CSRP2: variants seen among roughly 807,000 people sequenced by gnomAD.
CSRP2 encodes the protein cysteine and glycine-rich protein 2.
CSRP2 carries 18 observed loss-of-function variants against 24.6 expected under a neutral mutation model. The observed-to-expected ratio is 0.73, with a 90% CI of 0.51 to 1.09. The LOEUF is 1.09. CSRP2 is among the 50% of genes least tolerant of loss of function. CSRP2 has a pLI of 0.00. For missense variants in CSRP2, 215 were observed against 239.4 expected (o/e 0.90, Z 0.67); for synonymous variants, 87 against 84.3 (o/e 1.03, Z -0.18).
At chr12:76,867,482 C>G (rs1452199569) in intron 1 of CSRP2, among the ~76,000 whole-genome samples, 1 of 152,132 alleles carries the variant, frequency 6.6e-6, no homozygotes. Context: ...GCACTCCAGC[C>G]TGGGCGACAG....
chr12:76,864,961 A>G (rs1953720252), intron 2 of CSRP2: 1 of 152,262 alleles, frequency 6.6e-6, no homozygotes, highest in African/African-American at 2.4e-5. Flanking sequence ...AAGTGTAGGT[A>G]TATGAAAGTG....
chr12:76,860,505 C>T, intron 3 of CSRP2, 92 bp from the exon 4 acceptor site: 3 of 1,438,148 alleles, frequency 2.1e-6, no homozygotes, highest in South Asian at 2.6e-5. Flanking sequence ...TGGGACTTAA[C>T]CGCTACACTG....
At chr12:76,869,080 G>T (rs1000883014) in intron 1 of CSRP2, among the ~76,000 whole-genome samples, 1 of 152,044 alleles carries the variant, frequency 6.6e-6, no homozygotes. Context: ...ATATTTGAAG[G>T]CTGGGAAGTC....
At position 76,860,297 on chromosome 12, in the gene CSRP2, A is replaced by G. The variant is rs180731353; in HGVS notation, c.398T>C (p.Ile133Thr). Residue 133 changes from isoleucine to threonine, a missense_variant, in exon 4 of 6, where the codon ATT (isoleucine) becomes ACT (threonine). By Grantham distance (89) the Ile-to-Thr change is moderately conservative. Transcript: ENST00000311083. Reference sequence around the variant, plus strand: ...ATAGCACTTTACCTTTCCAGCTCCAATTATCTTCTCGGCAGCATATACAGA... The same window carrying G: ...ATAGCACTTTACCTTTCCAGCTCCAGTTATCTTCTCGGCAGCATATACAGA... ...GDSVYAAEKIIGAGKPWHKNC... is the reference protein window; with the variant it reads ...GDSVYAAEKITGAGKPWHKNC... 1.9e-6 allele frequency: 3 copies of G among 1,613,914 alleles called. No homozygotes were observed. The highest frequency in any genetic ancestry group is 1.3e-5 in the African/African-American group (1 of 75,052).
At chr12:76,859,450 ACTTTT>A (rs200513575) in intron 5 of CSRP2, 92 bp downstream of exon 5, 21,628 of 776,602 alleles carry the variant, frequency 0.028, 134 homozygotes, top group Middle Eastern at 0.066. Flanking sequence ...ATAGTGGCAT[ACTTTT>A]CTTTTTTTTT....
chr12:76,872,862 G>T (rs532550490), intron 1 of CSRP2, among the ~76,000 whole-genome samples: 9 of 152,022 alleles, frequency 5.9e-5, no homozygotes, highest in Non-Finnish European at 1.2e-4. Flanking sequence ...ACCACTCCAC[G>T]TGTGTCCGTG....
chr12:76,871,850 A>G (rs188818729), intron 1 of CSRP2, among the ~76,000 whole-genome samples: 1 of 151,926 alleles, frequency 6.6e-6, no homozygotes, highest in African/African-American at 2.4e-5. Flanking sequence ...ATTTGGCTGG[A>G]AGAAGTATGA....
At chr12:76,872,213 A>AG (rs1481895814) in intron 1 of CSRP2, among the ~76,000 whole-genome samples, 4 of 152,224 alleles carry the variant, frequency 2.6e-5, no homozygotes, top group African/African-American at 4.8e-5. Context: ...ACCTATGTGC[A>AG]ATTTCTCCTT....
At chr12:76,863,940 A>G (rs1293756053) in intron 2 of CSRP2, 1 of 152,222 alleles carries the variant, frequency 6.6e-6, no homozygotes, top group African/African-American at 2.4e-5. Context: ...TCTAGTTTTC[A>G]TCACTAGTCT....
chr12:76,864,787 C>T (rs978260009), intron 2 of CSRP2: 3 of 152,138 alleles, frequency 2.0e-5, no homozygotes, highest in African/African-American at 7.2e-5. Context: ...GGCATCTACT[C>T]TGGAATCTAA....
At chr12:76,866,045 C>A in intron 2 of CSRP2, 104 bp downstream of exon 2, 1 of 810,560 alleles carries the variant, frequency 1.2e-6, no homozygotes, top group South Asian at 1.7e-5. Context: ...TTCGTGCTTT[C>A]AAAATGATCT....
intron 4 of CSRP2, 121 bp downstream of exon 4, chr12:76,860,163 A>C: frequency 9.4e-7 from 1 of 1,061,942 alleles, no homozygotes; most frequent in South Asian, 2.2e-5. Context: ...CATTTAAAGA[A>C]AAGTTTCATA....
intron 1 of CSRP2, among the ~76,000 whole-genome samples, chr12:76,872,427 T>C (rs1953808819): frequency 6.6e-6 from 1 of 152,344 alleles, no homozygotes; most frequent in African/African-American, 2.4e-5. Context: ...AAAGCATCTC[T>C]GGAAAAGTTT....
In CSRP2 at chr12:76,876,922, C is replaced by A. The variant is rs1362040705; in HGVS notation, c.-2+2016G>T. ...AAGTATCAACAGGCCTTATGACAACCCTGCAAGGCATGTGCCACTACACCC... is the reference window on the plus strand; with the variant it reads ...AAGTATCAACAGGCCTTATGACAACACTGCAAGGCATGTGCCACTACACCC... On this transcript the variant is annotated intron_variant, in intron 1 of 5. Transcript: ENST00000311083. 2.0e-5 allele frequency among the ~76,000 whole-genome samples: 3 copies of A among 152,214 alleles called. No individual in the cohort carries two copies. The East Asian group carries it at 5.8e-4, about 29-fold the overall frequency.
At chr12:76,869,832 C>T (rs547477239) in intron 1 of CSRP2, among the ~76,000 whole-genome samples, 9 of 152,202 alleles carry the variant, frequency 5.9e-5, no homozygotes, top group Non-Finnish European at 1.2e-4. Flanking sequence ...CAGAGTGAAA[C>T]ATAAGCCTGG....
Position 76,863,235 on chromosome 12 carries a change from G to A in CSRP2, c.222C>T (p.Gly74=). 2 of 1,614,228 alleles carry A rather than the reference G, an allele frequency of 1.2e-6. No homozygotes were observed. Among genetic ancestry groups the A allele is most frequent in the East Asian group, 2.2e-5 (1 of 44,888 alleles). ...KKYGPKGYGY[G]QGAGTLNMDR... ...CCATGTTAAGCGTGCCAGCGCCCTG[G>A]CCATAACCGTAGCCTTTTGGCCCAT... is the stretch of plus-strand genomic sequence containing the variant. Residue 74 remains glycine, a synonymous_variant, in exon 3 of 6, where the codon GGC becomes GGT. Coordinates refer to ENST00000311083, the MANE Select transcript of CSRP2 (RefSeq NM_001321.3).
chr12:76,863,006 T>C (rs1171523130), intron 3 of CSRP2, 170 bp downstream of exon 3: 2 of 1,439,548 alleles, frequency 1.4e-6, no homozygotes, highest in Non-Finnish European at 1.8e-6. Context: ...ATAAGAACTT[T>C]GTTAGGTCCA....
In CSRP2 at chr12:76,859,001, T is replaced by C. The variant is rs1367626860; in HGVS notation, c.533A>G (p.Lys178Arg). The change falls in exon 6 of 6, where the codon AAG becomes AGG. Residue 178 changes from lysine (K) to arginine (R), a missense_variant. By Grantham distance (26) the Lys-to-Arg change is conservative. Coordinates refer to ENST00000311083, the MANE Select transcript of CSRP2 (RefSeq NM_001321.3). ...TGCTCCTTGGCCATAGCCAAATCCC[T>C]TGGGCCCAAAGTTCTTTGCATAGCA... ...KGCYAKNFGP[K>R]GFGYGQGAGA... is the part of the protein sequence containing the mutation. 2 of 1,614,106 alleles carry C rather than the reference T, an allele frequency of 1.2e-6. No homozygotes were observed. Among genetic ancestry groups the C allele is most frequent in the Admixed American group, 1.7e-5 (1 of 60,014 alleles).
At chr12:76,862,773 AGAAGGAGT>A (rs1565821553) in intron 3 of CSRP2, 2 of 1,391,540 alleles carry the variant, frequency 1.4e-6, no homozygotes, top group East Asian at 5.4e-5. Context: ...ATGTTTACAT[AGAAGGAGT>A]GACTTAGGAA....
Sources: allele counts gnomAD v4.1 joint callset (sites outside exome capture counted in the v4.1 genomes callset), GRCh38; gene constraint gnomAD v4.1.1; transcripts MANE v1.5; gene names NCBI Gene and HGNC (gene_info 2026-07-23, HGNC 2026-07-21).